Variants in GABRB1 observed in about 807,000 individuals in gnomAD.
The protein encoded by GABRB1 is gamma-aminobutyric acid receptor subunit beta-1.
In GABRB1, 17 loss-of-function variants were observed where a neutral mutation model predicts 51.6. The observed-to-expected ratio is 0.33, with a 90% CI of 0.23 to 0.49. The LOEUF is 0.49. Ranked by LOEUF, GABRB1 falls within the 20% of genes least tolerant of loss-of-function variation. The pLI is 0.99. For missense variants in GABRB1, 410 were observed against 600.6 expected, an observed-to-expected ratio of 0.68 and a Z score of 3.32; for synonymous variants, 247 against 218.9, an observed-to-expected ratio of 1.13 and a Z score of -1.14.
At chr4:47,233,952 G>T (rs573115366) in intron 4 of GABRB1, among the ~76,000 whole-genome samples, 4 of 152,186 alleles carry the variant, frequency 2.6e-5, no homozygotes, top group Non-Finnish European at 5.9e-5. Flanking sequence ...GTTTTTCCCT[G>T]AAACAGTCAC....
intron 5 of GABRB1, among the ~76,000 whole-genome samples, chr4:47,352,524 A>G (rs1726390431): frequency 6.6e-6 from 1 of 152,192 alleles, no homozygotes; most frequent in South Asian, 2.1e-4. Flanking sequence ...TCAATAAAAT[A>G]CTGGCAAACC....
intron 1 of GABRB1, among the ~76,000 whole-genome samples, chr4:46,997,409 TACATA>T (rs1478869813): frequency 8.0e-5 from 12 of 150,082 alleles, no homozygotes; most frequent in East Asian, 1.9e-4. Context: ...GATCTTATTA[TACATA>T]ACATATTATT....
intron 5 of GABRB1, among the ~76,000 whole-genome samples, chr4:47,399,231 T>C (rs1273268730): frequency 6.6e-6 from 1 of 152,228 alleles, no homozygotes; most frequent in Admixed American, 6.5e-5. Context: ...ATGAAGTATA[T>C]TACTAGATTT....
At chr4:47,170,222 G>T (rs962367227) in intron 4 of GABRB1, among the ~76,000 whole-genome samples, 1 of 151,818 alleles carries the variant, frequency 6.6e-6, no homozygotes, top group African/African-American at 2.4e-5. Context: ...GTCTGACCAC[G>T]GATTGTGTGT....
intron 5 of GABRB1, among the ~76,000 whole-genome samples, chr4:47,368,183 T>C (rs912060545): frequency 5.9e-5 from 9 of 152,310 alleles, no homozygotes; most frequent in Admixed American, 5.2e-4. Context: ...CACCCCTGCT[T>C]ATGTGTATAT....
intron 1 of GABRB1, among the ~76,000 whole-genome samples, chr4:47,019,677 TTCCTTCTTTCCTTCTTCTTTCC>T: frequency 7.0e-6 from 1 of 142,326 alleles, no homozygotes; most frequent in African/African-American, 2.6e-5. Context: ...CTTTCTTTCT[TTCCTTCTTTCCTTCTTCTTTCC>T]TTCTTTCCTT....
chr4:47,136,250 C>T lies in GABRB1; in HGVS notation c.241-24999C>T, dbSNP rs556212476. ...CAAGTGATCTTCTGACCTCTGTCTT[C>T]GAGAGTGCTGGGATTACAGGCATAG... On this transcript the variant is annotated intron_variant, in intron 3 of 8. Transcript: ENST00000295454. 7.2e-5 allele frequency among the ~76,000 whole-genome samples: 11 copies of T among 152,214 alleles called. No homozygotes were observed. In the South Asian group the frequency reaches 1.5e-3, roughly 20 times the overall value.
At chr4:47,293,585 G>C (rs1723844475) in intron 4 of GABRB1, among the ~76,000 whole-genome samples, 1 of 152,072 alleles carries the variant, frequency 6.6e-6, no homozygotes, top group South Asian at 2.1e-4. Context: ...TTTAGAAATG[G>C]AAAAATCAAA....
At chr4:47,342,296 A>C (rs4597807) in intron 5 of GABRB1, among the ~76,000 whole-genome samples, 56,514 of 151,696 alleles carry the variant, frequency 0.37, 10,604 homozygotes, top group South Asian at 0.47. Context: ...TTGCTAAATA[A>C]TGGTCCATAA....
At chr4:47,096,926 C>T (rs547302061) in intron 3 of GABRB1, among the ~76,000 whole-genome samples, 19 of 152,280 alleles carry the variant, frequency 1.2e-4, no homozygotes, top group South Asian at 8.3e-4. Flanking sequence ...AGACATCTAA[C>T]GCACACACAA....
At chr4:47,321,910 G>A (rs1308009904) in intron 5 of GABRB1, among the ~76,000 whole-genome samples, 1 of 152,112 alleles carries the variant, frequency 6.6e-6, no homozygotes, top group Admixed American at 6.6e-5. Flanking sequence ...ATTCTGTGTT[G>A]TAAATTGTAA....
intron 3 of GABRB1, among the ~76,000 whole-genome samples, chr4:47,140,184 C>T (rs182282562): frequency 1.1e-4 from 17 of 151,440 alleles, no homozygotes; most frequent in Admixed American, 1.1e-3. Context: ...TAAGGGGAAG[C>T]ACAAATCCTG....
At chr4:47,324,860 C>G (rs1035885676) in intron 5 of GABRB1, among the ~76,000 whole-genome samples, 6 of 152,166 alleles carry the variant, frequency 3.9e-5, no homozygotes, top group Non-Finnish European at 8.8e-5. Context: ...GACCATAATC[C>G]TGGGATTAAT....
intron 5 of GABRB1, among the ~76,000 whole-genome samples, chr4:47,402,440 A>G (rs1307110520): frequency 6.6e-6 from 1 of 152,234 alleles, no homozygotes; most frequent in Non-Finnish European, 1.5e-5. Flanking sequence ...CTGGTAGAGA[A>G]AAATATAGTC....
chr4:47,026,209 A>G (rs1725087554), intron 1 of GABRB1, among the ~76,000 whole-genome samples: 1 of 152,028 alleles, frequency 6.6e-6, no homozygotes, highest in Non-Finnish European at 1.5e-5. Context: ...TTTTTATTAT[A>G]TATTGGTGAT....
At chr4:47,022,717 A>G (rs1577833143) in intron 1 of GABRB1, among the ~76,000 whole-genome samples, 1 of 152,090 alleles carries the variant, frequency 6.6e-6, no homozygotes, top group Non-Finnish European at 1.5e-5. Context: ...GTAAATTAGT[A>G]CAATTACTAC....
chr4:47,266,220 C>T (rs1028980611), intron 4 of GABRB1, among the ~76,000 whole-genome samples: 1 of 152,052 alleles, frequency 6.6e-6, no homozygotes, highest in Non-Finnish European at 1.5e-5. Context: ...TTGTTTTTGT[C>T]CACTTTATCA....
At chr4:47,210,919 T>A (rs908511022) in intron 4 of GABRB1, among the ~76,000 whole-genome samples, 1 of 152,002 alleles carries the variant, frequency 6.6e-6, no homozygotes, top group African/African-American at 2.4e-5. Context: ...TGGGAGGAGG[T>A]GACAAGTAGA....
intron 4 of GABRB1, 43 bp downstream of exon 4, chr4:47,161,512 T>G: frequency 1.3e-6 from 2 of 1,546,212 alleles, no homozygotes; most frequent in Non-Finnish European, 1.8e-6. Flanking sequence ...GTTGTTGTTT[T>G]GTTTCATTTT....
Sources: allele counts gnomAD v4.1 joint callset (sites outside exome capture counted in the v4.1 genomes callset), GRCh38; gene constraint gnomAD v4.1.1; transcripts MANE v1.5; gene names NCBI Gene and HGNC (gene_info 2026-07-23, HGNC 2026-07-21).